USP34: variants seen among roughly 807,000 people sequenced by gnomAD.
The protein encoded by USP34 is ubiquitin carboxyl-terminal hydrolase 34.
A neutral mutation model predicts 460.3 loss-of-function variants in USP34; 70 were observed. That is an observed-to-expected ratio of 0.15 (90% CI 0.13 to 0.19). USP34 has a LOEUF of 0.19. Ranked by LOEUF, USP34 falls within the 10% of genes least tolerant of loss-of-function variation. The pLI is 1.00. For synonymous variants in USP34, 1,647 were observed against 1,405.3 expected (o/e 1.17, Z -3.85); for missense variants, 3,985 against 4,236.2 (o/e 0.94, Z 1.65).
chr2:61,450,974 C>T (rs1233522342), intron 1 of USP34, among the ~76,000 whole-genome samples: 1 of 151,196 alleles, frequency 6.6e-6, no homozygotes, highest in African/African-American at 2.4e-5. Context: ...AATCCCAGCA[C>T]TTTGGGAGGC....
In USP34 at chr2:61,227,061, T is replaced by C; in HGVS notation, c.7595+6A>G. ...CTTTAAACATTTTAAATTCGAAACA[T>C]TTCACCTTTCTGATCGAGACTGTTC... On this transcript the variant is annotated splice_donor_region_variant and intron_variant, in intron 62 of 79. Coordinates refer to ENST00000398571, the MANE Select transcript of USP34 (RefSeq NM_014709.4). The C allele has an allele frequency of 6.3e-7, 1 of 1,587,896 alleles. No individual in the cohort carries two copies. Among genetic ancestry groups the C allele is most frequent in the Non-Finnish European group, 8.5e-7 (1 of 1,172,722 alleles).
chr2:61,286,350 C>T (rs1451734658), intron 34 of USP34, among the ~76,000 whole-genome samples: 1 of 151,900 alleles, frequency 6.6e-6, no homozygotes, highest in Non-Finnish European at 1.5e-5. Context: ...TACACCTTTT[C>T]TAAAATTAAA....
rs573162242 is a variant in USP34 at position 61,446,340 on chromosome 2, G to C, written c.43+24310C>G. ...TACTGTCCTGATTGAAGTATATGAA[G>C]ATCCATCCTGAAATGATCTAAAGTT... is the stretch of plus-strand genomic sequence containing the variant. On this transcript the variant is annotated intron_variant, in intron 1 of 79. Coordinates refer to ENST00000398571, the MANE Select transcript of USP34 (RefSeq NM_014709.4). 9.2e-5 allele frequency among the ~76,000 whole-genome samples: 14 copies of C among 152,206 alleles called. No individual in the cohort carries two copies. The East Asian group carries it at 2.1e-3, about 23-fold the overall frequency.
At chr2:61,457,883 C>A (rs1020159908) in intron 1 of USP34, among the ~76,000 whole-genome samples, 2 of 152,054 alleles carry the variant, frequency 1.3e-5, no homozygotes, top group African/African-American at 2.4e-5. Flanking sequence ...CAAAAAGTAC[C>A]ATTTTATGAA....
intron 51 of USP34, among the ~76,000 whole-genome samples, chr2:61,242,454 T>TAC (rs1359212147): frequency 2.1e-4 from 14 of 67,576 alleles, no homozygotes; most frequent in Middle Eastern, 8.2e-3. Flanking sequence ...CCAAAGATAA[T>TAC]ACATACACAC....
intron 67 of USP34, among the ~76,000 whole-genome samples, chr2:61,218,734 C>G (rs567862389): frequency 3.3e-5 from 5 of 152,082 alleles, no homozygotes; most frequent in Non-Finnish European, 7.3e-5. Context: ...GAATGTCCCT[C>G]AATCTGAGTT....
chr2:61,249,302 T>C (rs1283827515), intron 48 of USP34, among the ~76,000 whole-genome samples: 2 of 152,190 alleles, frequency 1.3e-5, no homozygotes, highest in Admixed American at 6.5e-5. Flanking sequence ...AGTACAATAC[T>C]GCGAAGGTAA....
At chr2:61,403,671 C>T (rs939441207) in intron 3 of USP34, among the ~76,000 whole-genome samples, 10 of 151,994 alleles carry the variant, frequency 6.6e-5, no homozygotes, top group Non-Finnish European at 1.0e-4. Context: ...CCACCCAGAG[C>T]AGGAGTGAGT....
chr2:61,377,398 A>G (rs907485991), intron 8 of USP34, among the ~76,000 whole-genome samples: 4 of 152,276 alleles, frequency 2.6e-5, no homozygotes, highest in South Asian at 4.1e-4. Context: ...CTAGATGAAC[A>G]ATTAAATGGA....
intron 8 of USP34, among the ~76,000 whole-genome samples, chr2:61,376,330 G>C (rs535835980): frequency 6.6e-6 from 1 of 152,226 alleles, no homozygotes; most frequent in Non-Finnish European, 1.5e-5. Flanking sequence ...TTGCCATCTT[G>C]AACTCTTTAC....
At chr2:61,253,020 G>T (rs971148423) in intron 48 of USP34, among the ~76,000 whole-genome samples, 1 of 152,206 alleles carries the variant, frequency 6.6e-6, no homozygotes, top group Admixed American at 6.5e-5. Flanking sequence ...GTATTATGGT[G>T]ATTGATAAGT....
At chr2:61,433,096 A>G (rs964774495) in intron 1 of USP34, among the ~76,000 whole-genome samples, 4 of 152,198 alleles carry the variant, frequency 2.6e-5, no homozygotes, top group African/African-American at 9.6e-5. Flanking sequence ...TAACAAATAA[A>G]CAGCTAAGAT....
At chr2:61,289,676 G>T (rs897688351) in intron 33 of USP34, among the ~76,000 whole-genome samples, 2 of 152,022 alleles carry the variant, frequency 1.3e-5, no homozygotes, top group African/African-American at 4.8e-5. Flanking sequence ...AAGAAAGACA[G>T]CAAGATAATT....
intron 53 of USP34, among the ~76,000 whole-genome samples, chr2:61,241,306 T>C (rs912464604): frequency 6.6e-6 from 1 of 152,192 alleles, no homozygotes; most frequent in African/African-American, 2.4e-5. Flanking sequence ...CCTCCCAAAG[T>C]GCTGAGATTA....
intron 51 of USP34, among the ~76,000 whole-genome samples, chr2:61,244,436 GA>G (rs1434432834): frequency 6.6e-6 from 1 of 152,012 alleles, no homozygotes; most frequent in Non-Finnish European, 1.5e-5. Context: ...CCAACATGGT[GA>G]AACTCCACCT....
intron 75 of USP34, among the ~76,000 whole-genome samples, chr2:61,201,728 G>C (rs183066312): frequency 1.3e-5 from 2 of 152,062 alleles, no homozygotes; most frequent in African/African-American, 2.4e-5. Context: ...CCCAAAACAG[G>C]GTAGAACATT....
Position 61,292,471 on chromosome 2 carries a change from A to C in USP34, c.4548+993T>G, listed in dbSNP as rs530414198. Among the ~76,000 whole-genome samples, 6 of 152,276 alleles carry C rather than the reference A, an allele frequency of 3.9e-5. No individual in the cohort carries two copies. The South Asian group carries it at 1.2e-3, about 32-fold the overall frequency. On this transcript the variant is annotated intron_variant, in intron 33 of 79. Coordinates refer to ENST00000398571, the MANE Select transcript of USP34 (RefSeq NM_014709.4). ...ATAATTTCAAGAAAAACAAACAGAGAAAACCTTTAGTACGGGGGTGTCCAA... is the reference window on the plus strand; with the variant it reads ...ATAATTTCAAGAAAAACAAACAGAGCAAACCTTTAGTACGGGGGTGTCCAA...
chr2:61,337,696 T>C (rs1691465927), intron 18 of USP34, among the ~76,000 whole-genome samples: 1 of 152,196 alleles, frequency 6.6e-6, no homozygotes, highest in Admixed American at 6.5e-5. Flanking sequence ...ACTCATGCAA[T>C]CCACCTACCT....
chr2:61,350,508 C>A, intron 11 of USP34, 60 bp downstream of exon 11: 2 of 1,557,208 alleles, frequency 1.3e-6, no homozygotes, highest in South Asian at 1.2e-5. Flanking sequence ...TTATCTGAAT[C>A]ACAAGGAAAT....
Sources: gnomAD v4.1 joint callset for allele counts (sites outside exome capture counted in the v4.1 genomes callset) on GRCh38, gnomAD v4.1.1 for gene constraint, MANE v1.5 for transcripts, NCBI Gene and HGNC (gene_info 2026-07-23, HGNC 2026-07-21) for gene names.